EMC10: variants seen among roughly 807,000 people sequenced by gnomAD.
EMC10 encodes the protein ER membrane protein complex subunit 10.
In EMC10, 40 loss-of-function variants were observed where a neutral mutation model predicts 32.2. The ratio of observed to expected loss-of-function variants is 1.24; its 90% confidence interval spans 0.96 to 1.61. EMC10 has a LOEUF of 1.61. Among genes scored for constraint, EMC10 ranks in the 40% most tolerant of loss-of-function variants. EMC10 has a pLI of 0.00. For missense variants in EMC10, 402 were observed against 357.7 expected, an observed-to-expected ratio of 1.12 and a Z score of -1.00; for synonymous variants, 178 against 158.4, an observed-to-expected ratio of 1.12 and a Z score of -0.93.
Position 50,477,971 on chromosome 19 carries a change from G to A in EMC10, c.157G>A (p.Gly53Arg). 1 of 1,602,808 alleles carries A rather than the reference G, an allele frequency of 6.2e-7. No homozygotes were observed. The highest frequency in any genetic ancestry group is 8.5e-7 in the Non-Finnish European group (1 of 1,176,552). ...GREGEACGTV[G>R]LLLEHSFEID... is the part of the protein sequence containing the mutation. ...AGAGGGCGAGGCCTGTGGCACGGTG[G>A]GGCTGCTGCTGGAGCACTCATTTGA... The change falls in exon 2 of 7, where the codon GGG (glycine) becomes AGG (arginine). Residue 53 changes from glycine (G) to arginine (R), a missense_variant. Gly to Arg is a moderately radical substitution (Grantham distance 125). Transcript: ENST00000334976.
Position 50,480,092 on chromosome 19 carries a change from C to A in EMC10, c.298-19C>A. 3 of 1,591,996 alleles carry A rather than the reference C, an allele frequency of 1.9e-6. No individual in the cohort carries two copies. The South Asian group carries it at 3.4e-5, about 18-fold the overall frequency. ...CTGACACCATCCTTCTGACCAGCACCCTCTTCTCCCATCCCCAGGATGTGG... is the reference window on the plus strand; with the variant it reads ...CTGACACCATCCTTCTGACCAGCACACTCTTCTCCCATCCCCAGGATGTGG... On this transcript the variant is annotated intron_variant, in intron 3 of 6. Coordinates refer to ENST00000334976, the MANE Select transcript of EMC10 (RefSeq NM_206538.4). This position sits in a 1 kb window ranked among gnomAD's most constrained non-coding sequence, Gnocchi z 4.4.
Position 50,480,696 on chromosome 19 carries a change from TG to T in EMC10, c.520del (p.Glu174ArgfsTer65). 2 of 1,603,996 alleles carry T rather than the reference TG, an allele frequency of 1.2e-6. No individual in the cohort carries two copies. The highest frequency in any genetic ancestry group is 2.2e-5 in the East Asian group (1 of 44,450). ...CCCGGGGGCTGCCGGGGCCATGAGG[TG>T]GAGGACGTGGACCTGGAGCTGTTCA... ...THPGGCRGHE[V>X]EDVDLELFNT... is the part of the protein sequence containing the mutation. On this transcript the variant is annotated frameshift_variant, in exon 5 of 7. Transcript: ENST00000334976. LOFTEE classifies it high-confidence loss of function. This position sits in a 1 kb window ranked among gnomAD's most constrained non-coding sequence, Gnocchi z 4.4.
chr19:50,479,043 G>A lies in EMC10; in HGVS notation c.274G>A (p.Glu92Lys), dbSNP rs776124221. ...GTCCCTGTCACAGCGGCAGCTCAGC[G>A]AGGAGGAGCGGGGCCGACTCCGGGT... ...TLSLSQRQLS[E>K]EERGRLRDVA... Residue 92 changes from glutamate to lysine, a missense_variant, in exon 3 of 7, where the codon GAG becomes AAG. Coordinates refer to ENST00000334976, the MANE Select transcript of EMC10 (RefSeq NM_206538.4). 12 of 1,608,082 alleles carry A rather than the reference G, an allele frequency of 7.5e-6. No individual in the cohort carries two copies. Among genetic ancestry groups the A allele is most frequent in the East Asian group, 4.5e-5 (2 of 44,670 alleles).
In EMC10 at chr19:50,488,311, A is replaced by AG. The variant is rs1396508203; in HGVS notation, c.*6052_*6053insG. On this transcript the variant is annotated 3_prime_UTR_variant, in exon 7 of 7. Transcript: ENST00000334976. ...ACTCCGTCTCAAAAAAAAAAAAAAA[A>AG]AAAAAAAGAAAAGATGGCCAGAGCA... is the stretch of plus-strand genomic sequence containing the variant. 2.0e-5 allele frequency: 3 copies of AG among 149,996 alleles called. No individual in the cohort carries two copies. The highest frequency in any genetic ancestry group is 2.1e-4 in the South Asian group (1 of 4,718). 9.3% of individuals were successfully genotyped at this position (149,996 alleles called of 1,614,324 possible).
At chr19:50,477,443 G>A (rs1427455021) in intron 1 of EMC10, among the ~76,000 whole-genome samples, 1 of 152,220 alleles carries the variant, frequency 6.6e-6, no homozygotes, top group Non-Finnish European at 1.5e-5. Context: ...TCTTGAGGAA[G>A]TGGAGATGAG....
rs1234590608 is a variant in EMC10 at position 50,480,874 on chromosome 19, C to T, written c.585-10C>T. ...GGCCTCACCCTTCTCCTCCTCTCCC[C>T]TTGCCCCAGCCCTGAGACGGCGGCC... On this transcript the variant is annotated splice_polypyrimidine_tract_variant and intron_variant, in intron 5 of 6. Transcript: ENST00000334976. This position sits in a 1 kb window ranked among gnomAD's most constrained non-coding sequence, Gnocchi z 4.4. 1 of 1,597,160 alleles carries T rather than the reference C, an allele frequency of 6.3e-7. No homozygotes were observed. The highest frequency in any genetic ancestry group is 8.6e-7 in the Non-Finnish European group (1 of 1,169,022).
chr19:50,476,708 G>C, intron 1 of EMC10, 50 bp downstream of exon 1: 1 of 1,189,172 alleles, frequency 8.4e-7, no homozygotes, highest in Non-Finnish European at 1.1e-6. Context: ...GGATGTCGCA[G>C]GTCTTGGGTC....
chr19:50,480,961 C>T lies in EMC10; in HGVS notation c.662C>T (p.Ser221Phe), dbSNP rs1568686481. 3.7e-6 allele frequency: 6 copies of T among 1,612,120 alleles called. No homozygotes were observed. Among genetic ancestry groups the T allele is most frequent in the Non-Finnish European group, 5.1e-6 (6 of 1,178,616 alleles). The stretch of plus-strand genomic sequence containing the variant: ...GCCAAGAACCCCCAGGAGCAGAAGT[C>T]CTTCTTCGCCAAATACGTGAGTGGG... ...QKAKNPQEQK[S>F]FFAKYWMYII... The change falls in exon 6 of 7, where the codon TCC becomes TTC. Residue 221 changes from serine to phenylalanine, a missense_variant. Transcript: ENST00000334976. This position sits in a 1 kb window ranked among gnomAD's most constrained non-coding sequence, Gnocchi z 4.4.
chr19:50,481,994 C>G lies in EMC10; in HGVS notation c.679-155C>G, dbSNP rs766116653. 3.4e-5 allele frequency: 54 copies of G among 1,603,512 alleles called. 1 individual carries two copies. The highest frequency in any genetic ancestry group is 3.3e-4 in the Middle Eastern group (2 of 6,054). ...CCTCCCTGCGCCCCACTGGCCCTCC[C>G]TGACCTGTAGTGACGTAGGGGACCT... On this transcript the variant is annotated intron_variant, in intron 6 of 6. Transcript: ENST00000334976.
chr19:50,482,205 C>A lies in EMC10; in HGVS notation c.735C>A (p.Thr245=). The A allele has an allele frequency of 5.0e-6, 2 of 401,160 alleles. No homozygotes were observed. The highest frequency in any genetic ancestry group is 7.0e-6 in the Non-Finnish European group (2 of 287,456). The allele number at this position is 401,160 out of a possible 1,614,324, so 24.9% of individuals were successfully genotyped here. Residue 245 remains threonine (T), a synonymous_variant, in exon 7 of 7, where the codon ACC becomes ACA. Coordinates refer to ENST00000334976, the MANE Select transcript of EMC10 (RefSeq NM_206538.4). Reference sequence around the variant, plus strand: ...TCATGATGTCAGGAGCGCCAGACACCGGGGGCCAGGGTGGGGGTGGGGGTG... The same window carrying A: ...TCATGATGTCAGGAGCGCCAGACACAGGGGGCCAGGGTGGGGGTGGGGGTG... ...LFLMMSGAPD[T]GGQGGGGGGG... is the part of the protein sequence containing the mutation.
In EMC10 at chr19:50,490,115, C is replaced by CT. The variant is rs1252166871; in HGVS notation, c.*7858dup. 1 of 73,370 alleles carries CT rather than the reference C, an allele frequency of 1.4e-5. No individual in the cohort carries two copies. The highest frequency in any genetic ancestry group is 2.3e-5 in the Non-Finnish European group (1 of 42,802). 4.5% of individuals were successfully genotyped at this position (73,370 alleles called of 1,614,324 possible). A position where few individuals can be genotyped will look rare whatever the true frequency, so the allele number is the denominator to read the frequency against. ...CAAGTAGGAACCTGGATAAAATAGT[C>CT]TTAACAATTTTTTTTTTGAGACGGA... On this transcript the variant is annotated 3_prime_UTR_variant, in exon 7 of 7. Coordinates refer to ENST00000334976, the MANE Select transcript of EMC10 (RefSeq NM_206538.4).
At position 50,483,307 on chromosome 19, in the gene EMC10, G is replaced by T; in HGVS notation, c.*1048G>T. ...TCATGTGGCTGTGTGGAGCTCAGCTGTGTTGTGTGGCAGTTTATTAAACTG... is the reference window on the plus strand; with the variant it reads ...TCATGTGGCTGTGTGGAGCTCAGCTTTGTTGTGTGGCAGTTTATTAAACTG... On this transcript the variant is annotated 3_prime_UTR_variant, in exon 7 of 7. Transcript: ENST00000334976. 2.8e-6 allele frequency: 1 copy of T among 355,534 alleles called. No individual in the cohort carries two copies. Among genetic ancestry groups the T allele is most frequent in the East Asian group, 7.7e-5 (1 of 12,984 alleles). 22.0% of individuals were successfully genotyped at this position (355,534 alleles called of 1,614,324 possible). A position where few individuals can be genotyped will look rare whatever the true frequency, so the allele number is the denominator to read the frequency against.
Position 50,484,008 on chromosome 19 carries a change from T to C in EMC10, c.*1749T>C, listed in dbSNP as rs537683096. 4 of 148,142 alleles carry C rather than the reference T, an allele frequency of 2.7e-5. No homozygotes were observed. The highest frequency in any genetic ancestry group is 6.9e-5 in the Admixed American group (1 of 14,422). The allele number at this position is 148,142 out of a possible 1,614,324, so 9.2% of individuals were successfully genotyped here. A position where few individuals can be genotyped will look rare whatever the true frequency, so the allele number is the denominator to read the frequency against. ...CTTTTCCTAGAGGATTCCAGAAATA[T>C]TTACTAATGCTTTTTTTTTTTTTTT... is the stretch of plus-strand genomic sequence containing the variant. On this transcript the variant is annotated 3_prime_UTR_variant, in exon 7 of 7. Transcript: ENST00000334976.
rs2040344265 is a variant in EMC10 at position 50,482,806 on chromosome 19, G to A, written c.*547G>A. On this transcript the variant is annotated 3_prime_UTR_variant, in exon 7 of 7. Transcript: ENST00000334976. Reference sequence around the variant, plus strand: ...GGGGCAGAGGCATGAAAGAGTCGGGGCTGGATGGCCGGGGGCTTCTGGGCC... The same window carrying A: ...GGGGCAGAGGCATGAAAGAGTCGGGACTGGATGGCCGGGGGCTTCTGGGCC... 3.8e-6 allele frequency: 2 copies of A among 525,748 alleles called. No individual in the cohort carries two copies. The highest frequency in any genetic ancestry group is 3.3e-6 in the Non-Finnish European group (1 of 298,780). 32.6% of individuals were successfully genotyped at this position (525,748 alleles called of 1,614,324 possible). A position where few individuals can be genotyped will look rare whatever the true frequency, so the allele number is the denominator to read the frequency against.
In EMC10 at chr19:50,480,101, C is replaced by A. The variant is rs1433066155; in HGVS notation, c.298-10C>A. The A allele has an allele frequency of 1.2e-6, 2 of 1,602,638 alleles. No individual in the cohort carries two copies. The highest frequency in any genetic ancestry group is 4.5e-5 in the East Asian group (2 of 44,534). On this transcript the variant is annotated splice_polypyrimidine_tract_variant and intron_variant, in intron 3 of 6. Transcript: ENST00000334976. The surrounding 1 kb of genome is among the most constrained non-coding windows in gnomAD (Gnocchi z 4.4). The stretch of plus-strand genomic sequence containing the variant: ...TCCTTCTGACCAGCACCCTCTTCTC[C>A]CATCCCCAGGATGTGGCAGCCCTGA...
rs1017214908 is a variant in EMC10 at position 50,485,999 on chromosome 19, G to T, written c.*3740G>T. 6.6e-6 allele frequency: 1 copy of T among 152,122 alleles called. No homozygotes were observed. Among genetic ancestry groups the T allele is most frequent in the African/African-American group, 2.4e-5 (1 of 41,410 alleles). The allele number at this position is 152,122 out of a possible 1,614,324, so 9.4% of individuals were successfully genotyped here. Reference sequence around the variant, plus strand: ...TTTCCTGCCACCAGAAAATGTTATCGGCTGCGTGGCATTGCGAAAGCCTTC... The same window carrying T: ...TTTCCTGCCACCAGAAAATGTTATCTGCTGCGTGGCATTGCGAAAGCCTTC... On this transcript the variant is annotated 3_prime_UTR_variant, in exon 7 of 7. Transcript: ENST00000334976.
In EMC10 at chr19:50,482,215, G is replaced by C; in HGVS notation, c.745G>C (p.Gly249Arg). 9.3e-7 allele frequency: 1 copy of C among 1,071,790 alleles called. No homozygotes were observed. Among genetic ancestry groups the C allele is most frequent in the Non-Finnish European group, 1.4e-6 (1 of 736,830 alleles). 66.4% of individuals were successfully genotyped at this position (1,071,790 alleles called of 1,614,324 possible). Residue 249 changes from glycine to arginine, a missense_variant, in exon 7 of 7, where the codon GGT becomes CGT. Coordinates refer to ENST00000334976, the MANE Select transcript of EMC10 (RefSeq NM_206538.4). ...AGGAGCGCCAGACACCGGGGGCCAG[G>C]GTGGGGGTGGGGGTGGGGGTGGTGG... ...MSGAPDTGGQGGGGGGGGGGG... is the reference protein window; with the variant it reads ...MSGAPDTGGQRGGGGGGGGGG...
intron 6 of EMC10, 117 bp from the exon 7 acceptor site, chr19:50,482,032 C>G: frequency 6.5e-7 from 1 of 1,532,142 alleles, no homozygotes; most frequent in Non-Finnish European, 9.0e-7. Context: ...GCGCCCTCCC[C>G]TTACGCGACC....
rs1230074204 is a variant in EMC10 at position 50,486,437 on chromosome 19, T to TA, written c.*4179dup. The TA allele has an allele frequency of 6.6e-6, 1 of 152,138 alleles. No individual in the cohort carries two copies. The highest frequency in any genetic ancestry group is 1.5e-5 in the Non-Finnish European group (1 of 68,036). The allele number at this position is 152,138 out of a possible 1,614,324, so 9.4% of individuals were successfully genotyped here. On this transcript the variant is annotated 3_prime_UTR_variant, in exon 7 of 7. Transcript: ENST00000334976. Reference sequence around the variant, plus strand: ...ACTCCTGACCTCAAGCGATCCACCTTAGTCTCCTAAAGTGCTGGGATTACA... The same window carrying TA: ...ACTCCTGACCTCAAGCGATCCACCTTAAGTCTCCTAAAGTGCTGGGATTACA...
Sources: allele counts gnomAD v4.1 joint callset (sites outside exome capture counted in the v4.1 genomes callset), GRCh38; gene constraint gnomAD v4.1.1; non-coding constraint Gnocchi (gnomAD v3.1); transcripts MANE v1.5; gene names NCBI Gene and HGNC (gene_info 2026-07-23, HGNC 2026-07-21).